The following CACNA1D variants were observed in gnomAD, a reference collection of about 807,000 sequenced individuals.
CACNA1D encodes the protein calcium voltage-gated channel subunit alpha1 D, also known as voltage-dependent L-type calcium channel subunit alpha-1D.
Under a neutral mutation model 257.1 loss-of-function variants are expected in CACNA1D, and 55 were observed. That is an observed-to-expected ratio of 0.21 (90% CI 0.17 to 0.27). The LOEUF is 0.27. CACNA1D is among the 10% of genes least tolerant of loss of function. The pLI, the probability that CACNA1D is intolerant of heterozygous loss-of-function variation, is 1.00. For missense variants in CACNA1D, 1,876 were observed against 2,784.0 expected (o/e 0.67, Z 7.34); for synonymous variants, 980 against 1,014.9 (o/e 0.97, Z 0.65).
intron 3 of CACNA1D, among the ~76,000 whole-genome samples, chr3:53,564,546 C>T (rs1036957957): frequency 9.9e-5 from 15 of 151,910 alleles, no homozygotes; most frequent in African/African-American, 2.9e-4. Context: ...TGTGGCTTGT[C>T]CTTTTGATCT....
chr3:53,748,205 C>T lies in CACNA1D; in HGVS notation c.3314+757C>T, dbSNP rs532277662. 3.3e-5 allele frequency among the ~76,000 whole-genome samples: 5 copies of T among 152,300 alleles called. No individual in the cohort carries two copies. The South Asian group carries it at 1.0e-3, about 32-fold the overall frequency. On this transcript the variant is annotated intron_variant, in intron 26 of 47. Coordinates refer to ENST00000350061, the MANE Select transcript of CACNA1D (RefSeq NM_001128840.3). ...TGAAAGGGAGAATCCTCTGTGCTTT[C>T]GTGTTGCTCTTTGCTTCTGGAGCTC...
chr3:53,505,436 G>A (rs866130456), intron 3 of CACNA1D, among the ~76,000 whole-genome samples: 14 of 152,222 alleles, frequency 9.2e-5, no homozygotes, highest in Middle Eastern at 3.4e-3. Context: ...CCTCTGGAGC[G>A]TCTTCAAAAT....
rs757933439 is a variant in CACNA1D at position 53,723,953 on chromosome 3, G to A, written c.2054G>A (p.Arg685Gln). The A allele has an allele frequency of 5.0e-6, 8 of 1,614,024 alleles. No individual in the cohort carries two copies. The highest frequency in any genetic ancestry group is 2.2e-5 in the East Asian group (1 of 44,892). Residue 685 changes from arginine to glutamine, a missense_variant, in exon 14 of 48, where the codon CGG (arginine) becomes CAG (glutamine). Physicochemically the swap from Arg to Gln is conservative, Grantham distance 43. Transcript: ENST00000350061. This position sits in a 1 kb window ranked among gnomAD's most constrained non-coding sequence, Gnocchi z 5.6. ...KFNFDETQTK[R>Q]STFDNFPQAL... ...AATTTTGATGAAACGCAAACCAAGC[G>A]GAGCACCTTTGACAATTTCCCTCAA...
intron 8 of CACNA1D, among the ~76,000 whole-genome samples, chr3:53,675,208 C>T (rs1419497658): frequency 6.6e-6 from 1 of 152,208 alleles, no homozygotes; most frequent in Non-Finnish European, 1.5e-5. Flanking sequence ...GCCACATAAC[C>T]CTCCCCTGCC....
chr3:53,527,694 A>G (rs2091813895), intron 3 of CACNA1D, among the ~76,000 whole-genome samples: 1 of 152,206 alleles, frequency 6.6e-6, no homozygotes, highest in Non-Finnish European at 1.5e-5. Flanking sequence ...ATGCCCCTCC[A>G]TAAAGCTTTG....
At chr3:53,529,066 G>C (rs2091861439) in intron 3 of CACNA1D, among the ~76,000 whole-genome samples, 1 of 152,180 alleles carries the variant, frequency 6.6e-6, no homozygotes, top group African/African-American at 2.4e-5. Flanking sequence ...GAAATGGTAA[G>C]AGTGTAGACA....
intron 8 of CACNA1D, 90 bp from the exon 9 acceptor site, chr3:53,702,551 C>G (rs1200179967): frequency 2.4e-6 from 3 of 1,261,784 alleles, no homozygotes; most frequent in African/African-American, 1.5e-5. Context: ...TGTGTCCTGC[C>G]CACAAGACTG....
intron 5 of CACNA1D, among the ~76,000 whole-genome samples, chr3:53,662,324 C>T (rs556340291): frequency 3.9e-5 from 6 of 152,222 alleles, no homozygotes; most frequent in East Asian, 1.9e-4. Flanking sequence ...GGGCAGGAAC[C>T]GAGAACCCAC....
intron 27 of CACNA1D, 51 bp downstream of exon 27, chr3:53,749,520 G>T: frequency 7.6e-7 from 1 of 1,313,204 alleles, no homozygotes; most frequent in Non-Finnish European, 1.1e-6. Context: ...GGAGCGGAGT[G>T]CCTTCTTTAT....
chr3:53,672,974 TA>T, intron 7 of CACNA1D, 48 bp from the exon 8 acceptor site: 1 of 1,188,070 alleles, frequency 8.4e-7, no homozygotes, highest in Non-Finnish European at 1.2e-6. Context: ...CTCTCCTTAT[TA>T]AATCCTCTTA....
intron 8 of CACNA1D, among the ~76,000 whole-genome samples, chr3:53,690,166 C>T (rs2094506646): frequency 6.6e-6 from 1 of 152,140 alleles, no homozygotes; most frequent in Admixed American, 6.5e-5. Context: ...CTCCAGAGCC[C>T]AAGCTGCTTT....
intron 22 of CACNA1D, 33 bp downstream of exon 22, chr3:53,743,150 T>C: frequency 7.9e-7 from 1 of 1,272,906 alleles, no homozygotes; most frequent in Non-Finnish European, 1.2e-6. Context: ...CCAGAATTGT[T>C]GGGCTGAATG....
At chr3:53,808,887 C>A in intron 46 of CACNA1D, 117 bp downstream of exon 46, 1 of 1,050,760 alleles carries the variant, frequency 9.5e-7, no homozygotes, top group Non-Finnish European at 1.4e-6. Flanking sequence ...GAATCTTCAC[C>A]TACAGTCTAG....
rs79285851 is a variant in CACNA1D, at chr3:53,535,531, C to T, written c.483+33811C>T. Among the ~76,000 whole-genome samples the T allele has an allele frequency of 6.2e-3, 937 of 152,252 alleles. 11 individuals are homozygous for T. Among genetic ancestry groups the T allele is most frequent in the African/African-American group, 0.022 (900 of 41,560 alleles). On this transcript the variant is annotated intron_variant, in intron 3 of 47. Coordinates refer to ENST00000350061, the MANE Select transcript of CACNA1D (RefSeq NM_001128840.3). ...TTACCTCCCATGTAGAAAAGAGTTG[C>T]GTGCCAGGGTTATAAATTAGAGCTC...
At chr3:53,775,776 C>T in intron 34 of CACNA1D, 110 bp from the exon 35 acceptor site, 1 of 1,054,128 alleles carries the variant, frequency 9.5e-7, no homozygotes, top group Non-Finnish European at 1.5e-6. Context: ...ATTGGATTTT[C>T]TTCAAATGAC....
At chr3:53,592,460 T>C (rs559696347) in intron 3 of CACNA1D, among the ~76,000 whole-genome samples, 5 of 152,224 alleles carry the variant, frequency 3.3e-5, no homozygotes, top group African/African-American at 1.2e-4. Context: ...CCTTGGATGT[T>C]ACTCCGAATT....
At chr3:53,666,014 T>C (rs1055266936) in intron 6 of CACNA1D, among the ~76,000 whole-genome samples, 31 of 152,092 alleles carry the variant, frequency 2.0e-4, no homozygotes, top group Non-Finnish European at 3.5e-4. Flanking sequence ...CGATTTCCTG[T>C]GTAATGTGTC....
At chr3:53,744,075 G>A (rs1389274811) in intron 22 of CACNA1D, among the ~76,000 whole-genome samples, 1 of 152,116 alleles carries the variant, frequency 6.6e-6, no homozygotes, top group Non-Finnish European at 1.5e-5. Flanking sequence ...GCCACCTAGG[G>A]TAAAGCAGAA....
intron 3 of CACNA1D, among the ~76,000 whole-genome samples, chr3:53,630,350 T>C (rs1222912427): frequency 6.6e-6 from 1 of 152,222 alleles, no homozygotes; most frequent in Non-Finnish European, 1.5e-5. Flanking sequence ...TTATCTCTTG[T>C]TGTTATACAT....
Sources: allele counts gnomAD v4.1 joint callset (sites outside exome capture counted in the v4.1 genomes callset), GRCh38; gene constraint gnomAD v4.1.1; non-coding constraint Gnocchi (gnomAD v3.1); transcripts MANE v1.5; gene names NCBI Gene and HGNC (gene_info 2026-07-23, HGNC 2026-07-21).